Variants in NVL observed in about 807,000 individuals in gnomAD.
The protein encoded by NVL is nuclear VCP like.
NVL carries 84 observed loss-of-function variants against 110.2 expected under a neutral mutation model. That is an observed-to-expected ratio of 0.76 (90% CI 0.64 to 0.91). NVL has a LOEUF of 0.91. Among genes scored for constraint, NVL ranks in the 40% least tolerant of loss-of-function variants. NVL has a pLI of 0.00. For missense variants in NVL, 882 were observed against 1,035.9 expected, an observed-to-expected ratio of 0.85 and a Z score of 2.04; for synonymous variants, 354 against 361.1, an observed-to-expected ratio of 0.98 and a Z score of 0.22.
At chr1:224,312,148 A>G (rs1669588602) in intron 4 of NVL, 2 of 232,866 alleles carry the variant, frequency 8.6e-6, no homozygotes, top group African/African-American at 2.3e-5. Context: ...TTTACAAAAT[A>G]TAATAAATGC....
chr1:224,275,157 G>T (rs1665628271), intron 17 of NVL, among the ~76,000 whole-genome samples, 182 bp downstream of exon 17: 1 of 152,190 alleles, frequency 6.6e-6, no homozygotes, highest in Non-Finnish European at 1.5e-5. Context: ...AAAAAAACTG[G>T]ATGCAGAGGC....
At chr1:224,298,541 A>T (rs1668093891) in intron 10 of NVL, 2 of 220,986 alleles carry the variant, frequency 9.1e-6, no homozygotes, top group Non-Finnish European at 1.9e-5. Context: ...GTGCACTCTG[A>T]GAACCAATAG....
rs182530509 is a variant in NVL at position 224,227,584 on chromosome 1, C to T, written c.*42G>A. The T allele has an allele frequency of 1.3e-3, 2,128 of 1,588,336 alleles. 5 individuals carry two copies. Among genetic ancestry groups the T allele is most frequent in the Middle Eastern group, 3.8e-3 (22 of 5,748 alleles). ...TCAGAGCGTGTGGGGGATTCTCTGC[C>T]GGCTTGATGGGCTAGCTCCTCTAAG... On this transcript the variant is annotated 3_prime_UTR_variant, in exon 23 of 23. Transcript: ENST00000281701.
intron 18 of NVL, among the ~76,000 whole-genome samples, chr1:224,258,537 A>G (rs1362495341): frequency 6.6e-6 from 1 of 152,078 alleles, no homozygotes; most frequent in African/African-American, 2.4e-5. Context: ...CAGCAATTCC[A>G]CTCCTAGGTA....
intron 10 of NVL, among the ~76,000 whole-genome samples, chr1:224,297,375 G>T (rs923561631): frequency 1.3e-5 from 2 of 152,086 alleles, no homozygotes; most frequent in African/African-American, 2.4e-5. Flanking sequence ...AACTAGACAC[G>T]GTTCAGAAAG....
intron 18 of NVL, among the ~76,000 whole-genome samples, chr1:224,256,423 TAAAAAAAAAAA>T (rs34959473): frequency 4.0e-5 from 3 of 75,678 alleles, no homozygotes; most frequent in African/African-American, 4.9e-5. Context: ...AGGCTCCATC[TAAAAAAAAAAA>T]AAAAAAAAAA....
At chr1:224,240,023 G>C (rs182739022) in intron 19 of NVL, among the ~76,000 whole-genome samples, 15 of 148,850 alleles carry the variant, frequency 1.0e-4, no homozygotes, top group African/African-American at 3.5e-4. Context: ...TCAGCCCCGA[G>C]TAGCTGGGAT....
At chr1:224,270,261 A>G (rs1457085040) in intron 17 of NVL, among the ~76,000 whole-genome samples, 1 of 152,212 alleles carries the variant, frequency 6.6e-6, no homozygotes, top group African/African-American at 2.4e-5. Flanking sequence ...GCTGCATTAA[A>G]GCCATAATAT....
intron 6 of NVL, among the ~76,000 whole-genome samples, chr1:224,306,339 G>A (rs538038649): frequency 3.3e-5 from 5 of 152,044 alleles, no homozygotes; most frequent in East Asian, 1.9e-4. Context: ...CGATCTCAGC[G>A]CACTGCAAGC....
intron 4 of NVL, among the ~76,000 whole-genome samples, chr1:224,314,607 C>A (rs1558352510): frequency 6.6e-6 from 1 of 152,120 alleles, no homozygotes; most frequent in Admixed American, 6.5e-5. Context: ...GAAGTTGACT[C>A]TAGGCCTAGA....
rs1223008709 is a variant in NVL at position 224,273,033 on chromosome 1, C to CAA, written c.2082+2304_2082+2305dup. Among the ~76,000 whole-genome samples, 173 of 28,418 alleles carry CAA rather than the reference C, an allele frequency of 6.1e-3. 2 individuals carry two copies. Among genetic ancestry groups the CAA allele is most frequent in the African/African-American group, 7.4e-3 (56 of 7,544 alleles). The allele number at this position is 28,418 out of a possible 152,430, so 18.6% of individuals were successfully genotyped here. A position where few individuals can be genotyped will look rare whatever the true frequency, so the allele number is the denominator to read the frequency against. On this transcript the variant is annotated intron_variant, in intron 17 of 22. Coordinates refer to ENST00000281701, the MANE Select transcript of NVL (RefSeq NM_002533.4). ...TGGGCGACAGAGCGAGACTCCGTCTCAAAAAAAAACAAAAAAAACAAACAA... is the reference window on the plus strand; with the variant it reads ...TGGGCGACAGAGCGAGACTCCGTCTCAAAAAAAAAAACAAAAAAAACAAACAA...
At position 224,286,022 on chromosome 1, in the gene NVL, A is replaced by G; in HGVS notation, c.1899+4T>C. The G allele has an allele frequency of 6.2e-7, 1 of 1,608,918 alleles. No homozygotes were observed. The highest frequency in any genetic ancestry group is 8.5e-7 in the Non-Finnish European group (1 of 1,175,358). ...AATTACATGCAATTGAACTTATATGATACCTTCGCCAGCAGAGTCTTCCCA... is the reference window on the plus strand; with the variant it reads ...AATTACATGCAATTGAACTTATATGGTACCTTCGCCAGCAGAGTCTTCCCA... On this transcript the variant is annotated splice_donor_region_variant and intron_variant, in intron 15 of 22. Coordinates refer to ENST00000281701, the MANE Select transcript of NVL (RefSeq NM_002533.4).
chr1:224,241,856 C>CA (rs34996211), intron 19 of NVL, among the ~76,000 whole-genome samples: 108,762 of 132,548 alleles, frequency 0.82, 44,852 homozygotes, highest in South Asian at 0.9. Flanking sequence ...GACCTCGTCT[C>CA]AAAAAAAAAA....
At position 224,294,262 on chromosome 1, in the gene NVL, T is replaced by A. The variant is rs1307443960; in HGVS notation, c.1325+5A>T. 1 of 1,614,004 alleles carries A rather than the reference T, an allele frequency of 6.2e-7. No individual in the cohort carries two copies. The highest frequency in any genetic ancestry group is 8.5e-7 in the Non-Finnish European group (1 of 1,180,030). On this transcript the variant is annotated splice_donor_5th_base_variant and intron_variant, in intron 12 of 22. Transcript: ENST00000281701. ...GCATACAAACTTCATTCTATAAGAA[T>A]ATACCTTTCCCTGGATGCTTCATCT...
chr1:224,298,004 T>G (rs1022861221), intron 10 of NVL, among the ~76,000 whole-genome samples: 2 of 142,214 alleles, frequency 1.4e-5, no homozygotes, highest in African/African-American at 5.4e-5. Context: ...GCTGAGACAT[T>G]CCAGCCTGGA....
chr1:224,293,952 A>G (rs897211296), intron 12 of NVL, among the ~76,000 whole-genome samples: 27 of 152,148 alleles, frequency 1.8e-4, no homozygotes, highest in African/African-American at 5.6e-4. Flanking sequence ...AGTAACTAGG[A>G]CTACAGGTGT....
chr1:224,240,685 T>C (rs961364627), intron 19 of NVL, among the ~76,000 whole-genome samples: 19 of 152,098 alleles, frequency 1.2e-4, no homozygotes, highest in African/African-American at 4.6e-4. Context: ...GTTATATGTT[T>C]AGATACTCTC....
chr1:224,267,316 G>A (rs1318802414), intron 18 of NVL, among the ~76,000 whole-genome samples: 1 of 152,168 alleles, frequency 6.6e-6, no homozygotes, highest in Non-Finnish European at 1.5e-5. Flanking sequence ...TTCTACTAGA[G>A]TGAAGAGTCT....
At chr1:224,246,886 A>G (rs1661885840) in intron 19 of NVL, among the ~76,000 whole-genome samples, 2 of 151,888 alleles carry the variant, frequency 1.3e-5, no homozygotes, top group South Asian at 4.2e-4. Context: ...AAATACAAAA[A>G]AAAAATTAGC....
Sources: gnomAD v4.1 joint callset for allele counts (sites outside exome capture counted in the v4.1 genomes callset) on GRCh38, gnomAD v4.1.1 for gene constraint, MANE v1.5 for transcripts, NCBI Gene and HGNC (gene_info 2026-07-23, HGNC 2026-07-21) for gene names.